ADAMTS2: variants seen among roughly 807,000 people sequenced by gnomAD.
ADAMTS2 encodes the protein A disintegrin and metalloproteinase with thrombospondin motifs 2.
Under a neutral mutation model 123.0 loss-of-function variants are expected in ADAMTS2, and 50 were observed. The observed-to-expected ratio is 0.41, with a 90% CI of 0.32 to 0.51. The LOEUF (loss-of-function observed/expected upper bound fraction) is 0.51. ADAMTS2 is among the 20% of genes least tolerant of loss of function. The pLI is 0.35. For synonymous variants in ADAMTS2, 678 were observed against 695.4 expected, an observed-to-expected ratio of 0.98 and a Z score of 0.39; for missense variants, 1,494 against 1,705.2, an observed-to-expected ratio of 0.88 and a Z score of 2.18.
intron 7 of ADAMTS2, among the ~76,000 whole-genome samples, chr5:179,154,416 G>A (rs552081891): frequency 3.3e-5 from 5 of 152,328 alleles, no homozygotes; most frequent in Admixed American, 2.6e-4. Context: ...CCTGTCCCCA[G>A]GAGGGGCATG....
chr5:179,194,507 G>C (rs1183519270), intron 4 of ADAMTS2, among the ~76,000 whole-genome samples: 1 of 152,196 alleles, frequency 6.6e-6, no homozygotes, highest in Non-Finnish European at 1.5e-5. Context: ...TGGCCTGCGG[G>C]GAGAGGCGGG....
rs1043456366 is a variant in ADAMTS2 at position 179,189,684 on chromosome 5, G to A, written c.892-8529C>T. On this transcript the variant is annotated intron_variant, in intron 4 of 21. Transcript: ENST00000251582. The surrounding 1 kb of genome is among the most constrained non-coding windows in gnomAD (Gnocchi z 4.2). ...GAGCAATTTTTTGTGGGCTGGGGAC[G>A]GATTTTACAAAGTACATTCTCAAGG... Among the ~76,000 whole-genome samples the A allele has an allele frequency of 6.6e-6, 1 of 151,614 alleles. No individual in the cohort carries two copies. Among genetic ancestry groups the A allele is most frequent in the Admixed American group, 6.6e-5 (1 of 15,230 alleles).
chr5:179,329,124 G>T (rs537600879), intron 2 of ADAMTS2, among the ~76,000 whole-genome samples: 2 of 152,152 alleles, frequency 1.3e-5, no homozygotes, highest in South Asian at 2.1e-4. Flanking sequence ...TCAGGAGATG[G>T]AGACCATCCT....
chr5:179,187,210 C>G (rs1266503878), intron 4 of ADAMTS2, among the ~76,000 whole-genome samples: 2 of 152,204 alleles, frequency 1.3e-5, no homozygotes, highest in Non-Finnish European at 2.9e-5. Context: ...AAAAATATAT[C>G]TCAAAGGAAA....
chr5:179,122,734 C>T lies in ADAMTS2; in HGVS notation c.2998G>A (p.Val1000Met). 1 of 1,553,450 alleles carries T rather than the reference C, an allele frequency of 6.4e-7. No individual in the cohort carries two copies. The highest frequency in any genetic ancestry group is 8.7e-7 in the Non-Finnish European group (1 of 1,148,748). ...CTGTCGTCCGCGGTGCGGCAGAGCACTGGCCGCTCCTGGGTGCCGTTGCCA... is the reference window on the plus strand; with the variant it reads ...CTGTCGTCCGCGGTGCGGCAGAGCATTGGCCGCTCCTGGGTGCCGTTGCCA... Reference protein sequence around the residue: ...TCGNGTQERPVLCRTADDSFG... With the variant: ...TCGNGTQERPMLCRTADDSFG... The change falls in exon 20 of 22, where the codon GTG becomes ATG. Residue 1000 changes from valine to methionine, a missense_variant. By Grantham distance (21) the Val-to-Met change is conservative. Around this residue, in one of 6 missense-constraint regions of ADAMTS2, gnomAD observed 953 missense variants for 1,124.7 expected, o/e 0.85. Coordinates refer to ENST00000251582, the MANE Select transcript of ADAMTS2 (RefSeq NM_014244.5).
intron 2 of ADAMTS2, among the ~76,000 whole-genome samples, chr5:179,288,636 T>C (rs542170331): frequency 6.6e-6 from 1 of 152,302 alleles, no homozygotes; most frequent in East Asian, 1.9e-4. Flanking sequence ...GCCAGGGCCC[T>C]AGGCCCCTCT....
At chr5:179,153,113 G>A (rs1763393880) in intron 9 of ADAMTS2, among the ~76,000 whole-genome samples, 1 of 148,656 alleles carries the variant, frequency 6.7e-6, no homozygotes, top group Non-Finnish European at 1.5e-5. Context: ...TCTCCTCCAG[G>A]CCTCTGCGTC....
intron 5 of ADAMTS2, among the ~76,000 whole-genome samples, chr5:179,178,801 AGGCAG>A (rs1172638943): frequency 2.6e-5 from 4 of 152,182 alleles, no homozygotes; most frequent in Non-Finnish European, 5.9e-5. Flanking sequence ...ACTGAGTTGA[AGGCAG>A]GGCTAATGTG....
rs1762896635 is a variant in ADAMTS2, at chr5:179,128,291, G to A, written c.2458-173C>T. 6.6e-6 allele frequency among the ~76,000 whole-genome samples: 1 copy of A among 152,172 alleles called. No individual in the cohort carries two copies. Among genetic ancestry groups the A allele is most frequent in the South Asian group, 2.1e-4 (1 of 4,824 alleles). On this transcript the variant is annotated intron_variant, in intron 16 of 21. Coordinates refer to ENST00000251582, the MANE Select transcript of ADAMTS2 (RefSeq NM_014244.5). The surrounding 1 kb of genome is among the most constrained non-coding windows in gnomAD (Gnocchi z 4.9). ...TCTTGAATAGGGAGCCATTACCCCA[G>A]GGGGCACAGGGTGAGGTTCCTGTGA...
intron 3 of ADAMTS2, among the ~76,000 whole-genome samples, chr5:179,216,701 C>G (rs576377774): frequency 6.6e-6 from 1 of 152,236 alleles, no homozygotes; most frequent in East Asian, 1.9e-4. Flanking sequence ...GGGGCAGTGC[C>G]GCCCTCTCCT....
At chr5:179,230,191 G>A (rs974761009) in intron 3 of ADAMTS2, among the ~76,000 whole-genome samples, 4 of 152,250 alleles carry the variant, frequency 2.6e-5, no homozygotes, top group Non-Finnish European at 4.4e-5. Flanking sequence ...GGCAGGCTGG[G>A]CAGGGCTGGG....
At chr5:179,123,472 C>T (rs1350928000) in intron 19 of ADAMTS2, among the ~76,000 whole-genome samples, 1 of 152,240 alleles carries the variant, frequency 6.6e-6, no homozygotes. Context: ...GTGGCCCAGG[C>T]TGGAGTACAG....
intron 2 of ADAMTS2, among the ~76,000 whole-genome samples, chr5:179,283,549 C>CAAAAAAAAAAAAAAAAAAAA (rs3986816): frequency 7.8e-5 from 4 of 51,326 alleles, no homozygotes; most frequent in Non-Finnish European, 1.0e-4. Flanking sequence ...AGAAAAACAG[C>CAAAAAAAAAAAAAAAAAAAA]AAAAAAAAAA....
In ADAMTS2 at chr5:179,169,292, T is replaced by TA. The variant is rs374441410; in HGVS notation, c.976-10414dup. Reference sequence around the variant, plus strand: ...GTGCCCTCTAGGAGGAATGGGTCCTTACGACACATCAGTTCTGCTGGCGTC... The same window carrying TA: ...GTGCCCTCTAGGAGGAATGGGTCCTTAACGACACATCAGTTCTGCTGGCGTC... On this transcript the variant is annotated intron_variant, in intron 5 of 21. Coordinates refer to ENST00000251582, the MANE Select transcript of ADAMTS2 (RefSeq NM_014244.5). Among the ~76,000 whole-genome samples, 324 of 152,326 alleles carry TA rather than the reference T, an allele frequency of 2.1e-3. 1 individual carries two copies. The highest frequency in any genetic ancestry group is 3.6e-3 in the Non-Finnish European group (245 of 68,024).
Position 179,115,566 on chromosome 5 carries a change from C to T in ADAMTS2, c.3179-1242G>A, listed in dbSNP as rs1274119218. On this transcript the variant is annotated intron_variant, in intron 21 of 21. Coordinates refer to ENST00000251582, the MANE Select transcript of ADAMTS2 (RefSeq NM_014244.5). This position sits in a 1 kb window ranked among gnomAD's most constrained non-coding sequence, Gnocchi z 4.4. The stretch of plus-strand genomic sequence containing the variant: ...ACGTGCCCTCCTTTTCCCTCACTCT[C>T]CTTAGTTGAACTCATCTACTATTGA... 6.6e-6 allele frequency among the ~76,000 whole-genome samples: 1 copy of T among 151,898 alleles called. No individual in the cohort carries two copies. The highest frequency in any genetic ancestry group is 2.4e-5 in the African/African-American group (1 of 41,324).
At chr5:179,338,129 C>A (rs1382008090) in intron 2 of ADAMTS2, among the ~76,000 whole-genome samples, 2 of 152,184 alleles carry the variant, frequency 1.3e-5, no homozygotes, top group African/African-American at 2.4e-5. Context: ...CAATGGAGTG[C>A]AGCTCTCTCA....
chr5:179,119,156 AAG>A (rs532985408), intron 21 of ADAMTS2, among the ~76,000 whole-genome samples: 20 of 152,178 alleles, frequency 1.3e-4, no homozygotes, highest in Non-Finnish European at 2.4e-4. Flanking sequence ...CATCTCTGGG[AAG>A]AGAGACTGAG....
chr5:179,323,632 A>C (rs1757241979), intron 2 of ADAMTS2, among the ~76,000 whole-genome samples: 1 of 152,156 alleles, frequency 6.6e-6, no homozygotes. Flanking sequence ...ATTCCCTTCA[A>C]CTCTGGAGAG....
intron 2 of ADAMTS2, among the ~76,000 whole-genome samples, chr5:179,287,102 G>A (rs1285124149): frequency 6.6e-6 from 1 of 152,166 alleles, no homozygotes; most frequent in Non-Finnish European, 1.5e-5. Flanking sequence ...ACACAGAATC[G>A]GAGCAGGCTG....
Sources: allele counts gnomAD v4.1 joint callset (sites outside exome capture counted in the v4.1 genomes callset), GRCh38; gene constraint gnomAD v4.1.1; regional missense constraint gnomAD v4.1.1; non-coding constraint Gnocchi (gnomAD v3.1); transcripts MANE v1.5; gene names NCBI Gene and HGNC (gene_info 2026-07-23, HGNC 2026-07-21).